The following FGD4 variants were observed in gnomAD, a reference collection of about 807,000 sequenced individuals.
The protein encoded by FGD4 is FYVE, RhoGEF and PH domain-containing protein 4.
In FGD4, 42 loss-of-function variants were observed where a neutral mutation model predicts 102.0. That is an observed-to-expected ratio of 0.41 (90% CI 0.32 to 0.53). The LOEUF (loss-of-function observed/expected upper bound fraction) is 0.53. FGD4 is among the 20% of genes least tolerant of loss of function. The probability of loss-of-function intolerance (pLI) is 0.21; values close to 1 mark genes in which losing one functional copy is unlikely to be tolerated. For missense variants in FGD4, 902 were observed against 1,078.2 expected (o/e 0.84, Z 2.29); for synonymous variants, 380 against 375.7 (o/e 1.01, Z -0.13).
At chr12:32,612,844 C>A (rs1306893646) in intron 10 of FGD4, among the ~76,000 whole-genome samples, 1 of 152,162 alleles carries the variant, frequency 6.6e-6, no homozygotes, top group Non-Finnish European at 1.5e-5. Flanking sequence ...TGACCCTTTC[C>A]TTCACTTCCT....
intron 9 of FGD4, 69 bp downstream of exon 9, chr12:32,610,903 T>C (rs941381050): frequency 1.3e-6 from 2 of 1,513,504 alleles, no homozygotes; most frequent in Non-Finnish European, 1.8e-6. Flanking sequence ...CTCAATACTA[T>C]GTAGATTTGG....
chr12:32,636,002 ACT>A (rs1950787859), intron 15 of FGD4, among the ~76,000 whole-genome samples: 1 of 144,268 alleles, frequency 6.9e-6, no homozygotes, highest in Non-Finnish European at 1.5e-5. Flanking sequence ...ACAGGGCGAG[ACT>A]CTGTCTCTAA....
At chr12:32,554,780 G>A (rs912476777) in intron 1 of FGD4, among the ~76,000 whole-genome samples, 13 of 152,220 alleles carry the variant, frequency 8.5e-5, no homozygotes, top group African/African-American at 2.2e-4. Context: ...ATAATCGGGG[G>A]GAAGAACTTT....
intron 3 of FGD4, among the ~76,000 whole-genome samples, chr12:32,579,039 G>GTTT (rs35186090): frequency 0.022 from 1,451 of 66,100 alleles, 122 homozygotes; most frequent in African/African-American, 0.038. Flanking sequence ...AACATTAGTG[G>GTTT]TTTTTTTTTT....
chr12:32,512,922 A>G (rs1939535768), intron 1 of FGD4, among the ~76,000 whole-genome samples: 1 of 152,194 alleles, frequency 6.6e-6, no homozygotes, highest in African/African-American at 2.4e-5. Flanking sequence ...AGTGGAGAAT[A>G]GATGAAATGG....
Position 32,422,378 on chromosome 12 carries a change from A to C in FGD4, c.166+22419A>C, listed in dbSNP as rs1941670335. ...CAGTGGTGGGATCTCGGTTCACTAC[A>C]AGCTCCGCTTCCCGAGTTCACGCCA... On this transcript the variant is annotated intron_variant, in intron 1 of 16. Transcript: ENST00000534526. Among the ~76,000 whole-genome samples the C allele has an allele frequency of 3.1e-5, 4 of 127,652 alleles. 1 individual carries two copies. Among genetic ancestry groups the C allele is most frequent in the Middle Eastern group, 5.6e-3 (1 of 180 alleles). The allele number at this position is 127,652 out of a possible 152,430, so 83.7% of individuals were successfully genotyped here. A position where few individuals can be genotyped will look rare whatever the true frequency, so the allele number is the denominator to read the frequency against.
At chr12:32,518,651 G>A (rs981101667) in intron 1 of FGD4, among the ~76,000 whole-genome samples, 2 of 152,090 alleles carry the variant, frequency 1.3e-5, no homozygotes, top group African/African-American at 4.8e-5. Flanking sequence ...TTGTGTCCAT[G>A]GCATTTTAAG....
chr12:32,643,477 A>C lies in FGD4; in HGVS notation c.*2944A>C, dbSNP rs1322734899. Reference sequence around the variant, plus strand: ...TTAAATAACTATCAAGAACATTTTTACTTTAACAAAGAAAATGGATAGAAA... The same window carrying C: ...TTAAATAACTATCAAGAACATTTTTCCTTTAACAAAGAAAATGGATAGAAA... On this transcript the variant is annotated 3_prime_UTR_variant, in exon 17 of 17. Coordinates refer to ENST00000534526, the MANE Select transcript of FGD4 (RefSeq NM_001370298.3). 6.6e-6 allele frequency: 1 copy of C among 152,152 alleles called. No homozygotes were observed. The highest frequency in any genetic ancestry group is 1.5e-5 in the Non-Finnish European group (1 of 67,930). 9.4% of individuals were successfully genotyped at this position (152,152 alleles called of 1,614,324 possible). A position where few individuals can be genotyped will look rare whatever the true frequency, so the allele number is the denominator to read the frequency against.
Position 32,497,115 on chromosome 12 carries a change from T to C in FGD4, c.167-67022T>C, listed in dbSNP as rs192735830. On this transcript the variant is annotated intron_variant, in intron 1 of 16. Coordinates refer to ENST00000534526, the MANE Select transcript of FGD4 (RefSeq NM_001370298.3). ...ACTTTCCTAGTCAATGTTGGTTGTT[T>C]TTTTGGCAGTGTATACTTGGGCAAG... 2.3e-3 allele frequency among the ~76,000 whole-genome samples: 344 copies of C among 152,304 alleles called. 2 individuals carry two copies. The highest frequency in any genetic ancestry group is 3.8e-3 in the Non-Finnish European group (256 of 68,018).
At chr12:32,579,092 G>A (rs1184042678) in intron 3 of FGD4, among the ~76,000 whole-genome samples, 1 of 128,852 alleles carries the variant, frequency 7.8e-6, no homozygotes, top group East Asian at 2.3e-4. Flanking sequence ...TGTTGCCCAG[G>A]CTGGAGGGCA....
At position 32,576,411 on chromosome 12, in the gene FGD4, T is replaced by C. The variant is rs958305546; in HGVS notation, c.465T>C (p.Ser155=). 2.5e-6 allele frequency: 4 copies of C among 1,613,896 alleles called. No homozygotes were observed. The African/African-American group carries it at 5.3e-5, about 22-fold the overall frequency. The change falls in exon 3 of 17, where the codon AGT becomes AGC. Residue 155 remains serine (S), a synonymous_variant. Transcript: ENST00000534526. Reference sequence around the variant, plus strand: ...CTTGTGTCTCAAAAGAAAAACCCAGTAAGGTATCAGATCTCATCAGTCGCT... The same window carrying C: ...CTTGTGTCTCAAAAGAAAAACCCAGCAAGGTATCAGATCTCATCAGTCGCT... ...SASCVSKEKP[S]KVSDLISRFE... is the part of the protein sequence containing the mutation.
Position 32,506,575 on chromosome 12 carries a change from G to C in FGD4, c.167-57562G>C, listed in dbSNP as rs1238552114. Among the ~76,000 whole-genome samples, 2 of 152,060 alleles carry C rather than the reference G, an allele frequency of 1.3e-5. No individual in the cohort carries two copies. The highest frequency in any genetic ancestry group is 2.9e-5 in the Non-Finnish European group (2 of 68,012). On this transcript the variant is annotated intron_variant, in intron 1 of 16. Coordinates refer to ENST00000534526, the MANE Select transcript of FGD4 (RefSeq NM_001370298.3). This position sits in a 1 kb window ranked among gnomAD's most constrained non-coding sequence, Gnocchi z 4.5. ...GGGCCTTTCCACAGGTATACGACCC[G>C]CACTTGCATACTTAATCTCCCTTTC...
chr12:32,562,313 A>C (rs1357212371), intron 1 of FGD4, among the ~76,000 whole-genome samples: 2 of 152,224 alleles, frequency 1.3e-5, no homozygotes, highest in Non-Finnish European at 2.9e-5. Flanking sequence ...GTTCCCAGGA[A>C]AACTCTTTGT....
rs1259732254 is a variant in FGD4 at position 32,636,533 on chromosome 12, C to CA, written c.2314-2107dup. ...GGGCAACAAGAGCTAAACTCCGTCT[C>CA]AAAAAAAAAAAAAAATTGTCTATGC... On this transcript the variant is annotated intron_variant, in intron 15 of 16. Transcript: ENST00000534526. 8.7e-3 allele frequency among the ~76,000 whole-genome samples: 1,060 copies of CA among 121,578 alleles called. 4 individuals carry two copies. Among genetic ancestry groups the CA allele is most frequent in the African/African-American group, 0.02 (673 of 33,024 alleles). The allele number at this position is 121,578 out of a possible 152,430, so 79.8% of individuals were successfully genotyped here. A position where few individuals can be genotyped will look rare whatever the true frequency, so the allele number is the denominator to read the frequency against.
At chr12:32,580,526 C>T (rs1946518986) in intron 3 of FGD4, among the ~76,000 whole-genome samples, 1 of 152,134 alleles carries the variant, frequency 6.6e-6, no homozygotes, top group Non-Finnish European at 1.5e-5. Context: ...TCACAGGAAT[C>T]TTTCAAAGAG....
rs60803891 is a variant in FGD4, at chr12:32,624,425, T to C, written c.1926T>C (p.Ser642=). ...KERTLELQAS[S]AQDKEEWIKA... is the part of the protein sequence containing the mutation. Reference sequence around the variant, plus strand: ...CTTTAATTTTGTTTTATTTTAGTTCTGCGCAAGACAAAGAAGAATGGATCA... The same window carrying C: ...CTTTAATTTTGTTTTATTTTAGTTCCGCGCAAGACAAAGAAGAATGGATCA... Residue 642 remains serine, a synonymous_variant, in exon 12 of 17, where the codon TCT becomes TCC. Coordinates refer to ENST00000534526, the MANE Select transcript of FGD4 (RefSeq NM_001370298.3). 2.9e-3 allele frequency: 4,615 copies of C among 1,601,258 alleles called. 99 individuals are homozygous for C. The African/African-American group carries it at 0.052, about 18-fold the overall frequency.
chr12:32,609,534 T>C (rs555054424), intron 8 of FGD4, among the ~76,000 whole-genome samples: 8 of 152,204 alleles, frequency 5.3e-5, no homozygotes, highest in Non-Finnish European at 8.8e-5. Context: ...CTTTAAAATG[T>C]AAATTAAAAT....
intron 1 of FGD4, among the ~76,000 whole-genome samples, chr12:32,418,252 G>A (rs753454855): frequency 1.2e-4 from 19 of 152,126 alleles, no homozygotes; most frequent in Non-Finnish European, 2.9e-5. Flanking sequence ...CACCGCGCCT[G>A]GCCCTGGTGC....
chr12:32,544,126 C>T lies in FGD4; in HGVS notation c.167-20011C>T, dbSNP rs756832184. 6.6e-6 allele frequency among the ~76,000 whole-genome samples: 1 copy of T among 152,104 alleles called. No homozygotes were observed. Among genetic ancestry groups the T allele is most frequent in the Non-Finnish European group, 1.5e-5 (1 of 68,024 alleles). Reference sequence around the variant, plus strand: ...ATGGTGCTATGAGCTTAAATAATTACTAGTAAAATTTGGCCAGAGCCAGCA... The same window carrying T: ...ATGGTGCTATGAGCTTAAATAATTATTAGTAAAATTTGGCCAGAGCCAGCA... On this transcript the variant is annotated intron_variant, in intron 1 of 16. Coordinates refer to ENST00000534526, the MANE Select transcript of FGD4 (RefSeq NM_001370298.3). The surrounding 1 kb of genome is among the most constrained non-coding windows in gnomAD (Gnocchi z 4.1).
Sources: gnomAD v4.1 joint callset for allele counts (sites outside exome capture counted in the v4.1 genomes callset) on GRCh38, gnomAD v4.1.1 for gene constraint, Gnocchi (gnomAD v3.1) non-coding constraint, MANE v1.5 for transcripts, NCBI Gene and HGNC (gene_info 2026-07-23, HGNC 2026-07-21) for gene names.